The following ABHD2 variants were observed in gnomAD, a reference collection of about 807,000 sequenced individuals.
The protein encoded by ABHD2 is monoacylglycerol lipase ABHD2.
A neutral mutation model predicts 48.1 loss-of-function variants in ABHD2; 20 were observed. That is an observed-to-expected ratio of 0.42 (90% CI 0.29 to 0.60). The LOEUF is 0.60. Among genes scored for constraint, ABHD2 ranks in the 20% least tolerant of loss-of-function variants. The pLI is 0.24. For missense variants in ABHD2, 405 were observed against 550.9 expected, an observed-to-expected ratio of 0.74 and a Z score of 2.65; for synonymous variants, 209 against 214.2, an observed-to-expected ratio of 0.98 and a Z score of 0.21.
the ABHD2 span, among the ~76,000 whole-genome samples, chr15:89,048,037 C>T: frequency 9.9e-5 from 15 of 151,584 alleles, no homozygotes; most frequent in Non-Finnish European, 1.6e-4. Context: ...CAGCTGGTAC[C>T]GGTTGTTCCT....
At chr15:89,124,109 A>G (rs1412324055) in intron 3 of ABHD2, among the ~76,000 whole-genome samples, 1 of 152,218 alleles carries the variant, frequency 6.6e-6, no homozygotes, top group Non-Finnish European at 1.5e-5. Context: ...TTTTTGTCCT[A>G]GTGTACCAAG....
At chr15:89,049,545 C>T in the ABHD2 span, among the ~76,000 whole-genome samples, 8 of 152,354 alleles carry the variant, frequency 5.3e-5, no homozygotes, top group East Asian at 1.2e-3. Context: ...AGTGAGACTC[C>T]GTGGGCGTAG....
chr15:89,101,459 T>C (rs1425638009), intron 1 of ABHD2, among the ~76,000 whole-genome samples: 4 of 152,212 alleles, frequency 2.6e-5, no homozygotes, highest in Non-Finnish European at 4.4e-5. Flanking sequence ...CCCAATGTAA[T>C]AATCTGGTAA....
the ABHD2 span, among the ~76,000 whole-genome samples, chr15:89,057,270 C>T: frequency 6.6e-6 from 1 of 152,062 alleles, no homozygotes; most frequent in South Asian, 2.1e-4. Context: ...CTATTGAAGC[C>T]CCTTTGTAAG....
the ABHD2 span, among the ~76,000 whole-genome samples, chr15:89,054,321 CAAA>C: frequency 1.0e-4 from 14 of 138,026 alleles, no homozygotes; most frequent in Non-Finnish European, 1.1e-4. Context: ...GACTCTGTCT[CAAA>C]AAAAAAAAAA....
rs1223198358 is a variant in ABHD2 at position 89,097,991 on chromosome 15, A to T, written c.-107+9428A>T. 6.6e-6 allele frequency among the ~76,000 whole-genome samples: 1 copy of T among 152,090 alleles called. No homozygotes were observed. The highest frequency in any genetic ancestry group is 2.4e-5 in the African/African-American group (1 of 41,412). On this transcript the variant is annotated intron_variant, in intron 1 of 10. Coordinates refer to ENST00000352732, the MANE Select transcript of ABHD2 (RefSeq NM_152924.5). This position sits in a 1 kb window ranked among gnomAD's most constrained non-coding sequence, Gnocchi z 4.2. ...CTGCAGCCTCCACCTCCTAGACTCA[A>T]GTGATCCTTCCACCTCAGCCTTCCC...
In ABHD2 at chr15:89,133,402, A is replaced by G. The variant is rs528092488; in HGVS notation, c.194+16881A>G. 2.0e-5 allele frequency among the ~76,000 whole-genome samples: 3 copies of G among 152,358 alleles called. No homozygotes were observed. The South Asian group carries it at 6.2e-4, about 32-fold the overall frequency. ...ACCTGTCAGTATAGGATAAACTCCT[A>G]GAGGTGGAACTACTGGGTCAAAGGG... is the stretch of plus-strand genomic sequence containing the variant. On this transcript the variant is annotated intron_variant, in intron 3 of 10. Coordinates refer to ENST00000352732, the MANE Select transcript of ABHD2 (RefSeq NM_152924.5).
rs2150787798 is a variant in ABHD2 at position 89,102,770 on chromosome 15, C to T, written c.-106-10955C>T. Among the ~76,000 whole-genome samples, 1 of 152,364 alleles carries T rather than the reference C, an allele frequency of 6.6e-6. No individual in the cohort carries two copies. ...GTAGCTATCTGCTTCATGTGGGGCG[C>T]TCCTGCTCTGCAGTGTAGAGTATTT... On this transcript the variant is annotated intron_variant, in intron 1 of 10. Transcript: ENST00000352732. This position sits in a 1 kb window ranked among gnomAD's most constrained non-coding sequence, Gnocchi z 4.8.
intron 5 of ABHD2, among the ~76,000 whole-genome samples, chr15:89,165,747 T>G (rs2050829141): frequency 6.6e-6 from 1 of 152,244 alleles, no homozygotes; most frequent in Non-Finnish European, 1.5e-5. Flanking sequence ...GCCTAATCTT[T>G]AATCGAGGCA....
intron 6 of ABHD2, among the ~76,000 whole-genome samples, chr15:89,180,437 C>T (rs555435573): frequency 2.6e-5 from 4 of 152,344 alleles, no homozygotes; most frequent in Admixed American, 1.3e-4. Context: ...CATCCTTCCA[C>T]CCCAGTGGAA....
At chr15:89,044,400 G>A in the ABHD2 span, among the ~76,000 whole-genome samples, 3 of 152,052 alleles carry the variant, frequency 2.0e-5, no homozygotes, top group Non-Finnish European at 4.4e-5. Flanking sequence ...ATGATTTATA[G>A]TCCTTTGGGT....
intron 5 of ABHD2, among the ~76,000 whole-genome samples, chr15:89,171,602 C>T (rs1257043551): frequency 1.3e-5 from 2 of 152,130 alleles, no homozygotes; most frequent in Admixed American, 1.3e-4. Context: ...CTGTGGAAAC[C>T]TTGCTTTGAG....
chr15:89,063,129 G>A, the ABHD2 span, among the ~76,000 whole-genome samples: 5 of 151,032 alleles, frequency 3.3e-5, no homozygotes, highest in Admixed American at 2.0e-4. Flanking sequence ...CACCATGCCC[G>A]GCTAATTTTT....
intron 1 of ABHD2, chr15:89,093,601 G>C (rs2049561962): frequency 6.6e-6 from 1 of 152,452 alleles, no homozygotes; most frequent in Non-Finnish European, 1.5e-5. Flanking sequence ...GTAGCTTTAA[G>C]TGTCTCACCC....
Position 89,114,404 on chromosome 15 carries a change from T to TTTA in ABHD2, c.-7+582_-7+584dup, listed in dbSNP as rs970182420. On this transcript the variant is annotated intron_variant, in intron 2 of 10. Coordinates refer to ENST00000352732, the MANE Select transcript of ABHD2 (RefSeq NM_152924.5). The surrounding 1 kb of genome is among the most constrained non-coding windows in gnomAD (Gnocchi z 4.2). The stretch of plus-strand genomic sequence containing the variant: ...AAGTTAAGGATCCTTGTTTTAGGGG[T>TTTA]TTATAGACAGCTTTCAGGGGATATG... Among the ~76,000 whole-genome samples, 1 of 152,054 alleles carries TTTA rather than the reference T, an allele frequency of 6.6e-6. No homozygotes were observed. The highest frequency in any genetic ancestry group is 2.4e-5 in the African/African-American group (1 of 41,390).
chr15:89,052,230 C>CT, the ABHD2 span, among the ~76,000 whole-genome samples: 27 of 151,956 alleles, frequency 1.8e-4, no homozygotes, highest in African/African-American at 7.3e-5. Flanking sequence ...AGGTCAAGGT[C>CT]TTTTTTGTCT....
Position 89,185,757 on chromosome 15 carries a change from C to T in ABHD2, c.815+241C>T, listed in dbSNP as rs1340941443. On this transcript the variant is annotated intron_variant, in intron 7 of 10. Transcript: ENST00000352732. This position sits in a 1 kb window ranked among gnomAD's most constrained non-coding sequence, Gnocchi z 5.9. The stretch of plus-strand genomic sequence containing the variant: ...GCTGAGGCGGGCAGATAGCTTGAGG[C>T]CAGGAATTTGAGACCAGCCTGGCCA... Among the ~76,000 whole-genome samples, 1 of 152,140 alleles carries T rather than the reference C, an allele frequency of 6.6e-6. No homozygotes were observed. The highest frequency in any genetic ancestry group is 1.5e-5 in the Non-Finnish European group (1 of 68,024).
Position 89,164,768 on chromosome 15 carries a change from C to T in ABHD2, c.538+9234C>T, listed in dbSNP as rs1476627285. 6.6e-6 allele frequency among the ~76,000 whole-genome samples: 1 copy of T among 150,738 alleles called. No homozygotes were observed. Among genetic ancestry groups the T allele is most frequent in the Admixed American group, 6.6e-5 (1 of 15,222 alleles). On this transcript the variant is annotated intron_variant, in intron 5 of 10. Coordinates refer to ENST00000352732, the MANE Select transcript of ABHD2 (RefSeq NM_152924.5). The surrounding 1 kb of genome is among the most constrained non-coding windows in gnomAD (Gnocchi z 5.0). ...CTCCAGCCTAGACGACAGAGACTGA[C>T]CCTGTCTTTAAAAAAAAAAAAATGG...
chr15:89,053,779 A>G, the ABHD2 span, among the ~76,000 whole-genome samples: 1 of 152,240 alleles, frequency 6.6e-6, no homozygotes, highest in Non-Finnish European at 1.5e-5. Context: ...CCCTTGGAGC[A>G]AGAGCAGTCC....
Sources: gnomAD v4.1 joint callset for allele counts (sites outside exome capture counted in the v4.1 genomes callset) on GRCh38, gnomAD v4.1.1 for gene constraint, Gnocchi (gnomAD v3.1) non-coding constraint, MANE v1.5 for transcripts, NCBI Gene and HGNC (gene_info 2026-07-23, HGNC 2026-07-21) for gene names.